ZC3H13: variants seen among roughly 807,000 people sequenced by gnomAD.
The protein encoded by ZC3H13 is zinc finger CCCH-type containing 13, also known as zinc finger CCCH domain-containing protein 13.
A neutral mutation model predicts 204.1 loss-of-function variants in ZC3H13; 64 were observed. That is an observed-to-expected ratio of 0.31 (90% CI 0.26 to 0.39). The LOEUF is 0.39. ZC3H13 is among the 10% of genes least tolerant of loss of function. ZC3H13 has a pLI of 1.00. For synonymous variants in ZC3H13, 667 were observed against 693.7 expected (o/e 0.96, Z 0.60); for missense variants, 1,833 against 2,082.7 (o/e 0.88, Z 2.33).
intron 15 of ZC3H13, among the ~76,000 whole-genome samples, chr13:45,966,874 A>C (rs1952133682): frequency 1.3e-5 from 2 of 152,186 alleles, no homozygotes. Flanking sequence ...AGTGGGTACA[A>C]AGAAGGGCAG....
intron 7 of ZC3H13, 159 bp downstream of exon 7, chr13:46,010,189 T>C (rs1221802107): frequency 1.5e-5 from 10 of 659,258 alleles, no homozygotes; most frequent in African/African-American, 7.3e-5. Flanking sequence ...TTCTCTATAA[T>C]TGTCTTTTTA....
rs1164658557 is a variant in ZC3H13, at chr13:46,010,382, A to G, written c.712T>C (p.Ser238Pro). ...SSASKKDRKTSAVSSPLLDQQ... is the reference protein window; with the variant it reads ...SSASKKDRKTPAVSSPLLDQQ... ...TCCAACAGGGGAGAAGATACTGCAGATGTCTTCCTATCTTTCTTGCTAGCT... is the reference window on the plus strand; with the variant it reads ...TCCAACAGGGGAGAAGATACTGCAGGTGTCTTCCTATCTTTCTTGCTAGCT... The change falls in exon 7 of 19, where the codon TCT becomes CCT. Residue 238 changes from serine to proline, a missense_variant. This residue lies in a region of ZC3H13 where 1,574 missense variants were observed against 1,757.2 expected (regional missense o/e 0.90). Transcript: ENST00000679008. The G allele has an allele frequency of 6.2e-7, 1 of 1,613,636 alleles. No homozygotes were observed. The highest frequency in any genetic ancestry group is 2.2e-5 in the East Asian group (1 of 44,878).
chr13:45,968,290 G>A (rs1952261537), intron 14 of ZC3H13, among the ~76,000 whole-genome samples: 1 of 151,224 alleles, frequency 6.6e-6, no homozygotes. Context: ...AAGTTTCCTT[G>A]TCTATTTCCA....
rs1414888440 is a variant in ZC3H13 at position 45,985,467 on chromosome 13, C to T, written c.1550G>A (p.Arg517Gln). 4.3e-6 allele frequency: 7 copies of T among 1,614,094 alleles called. No homozygotes were observed. The highest frequency in any genetic ancestry group is 1.3e-5 in the African/African-American group (1 of 74,928). ...YRDREGRDTHRKEDTYPEESR... is the reference protein window; with the variant it reads ...YRDREGRDTHQKEDTYPEESR... The stretch of plus-strand genomic sequence containing the variant: ...TTCTTCTGGATATGTATCCTCCTTT[C>T]GATGAGTATCTCGACCTTCACGGTC... Residue 517 changes from arginine to glutamine, a missense_variant, in exon 10 of 19, where the codon CGA (arginine) becomes CAA (glutamine). Arg to Gln is a conservative substitution (Grantham distance 43). This residue lies in a region of ZC3H13 where 1,574 missense variants were observed against 1,757.2 expected (regional missense o/e 0.90). Transcript: ENST00000679008.
intron 1 of ZC3H13, among the ~76,000 whole-genome samples, chr13:46,050,912 G>T (rs1593857439): frequency 1.3e-5 from 2 of 151,746 alleles, no homozygotes; most frequent in South Asian, 4.2e-4. Flanking sequence ...AAAAAAAAAA[G>T]AATAAAAGAC....
chr13:45,979,970 A>T lies in ZC3H13; in HGVS notation c.1755T>A (p.Ser585Arg), dbSNP rs761840867. Residue 585 changes from serine (S) to arginine (R), a missense_variant, in exon 11 of 19, where the codon AGT (serine) becomes AGA (arginine). Around this residue, in one of 5 missense-constraint regions of ZC3H13, gnomAD observed 1,574 missense variants for 1,757.2 expected, o/e 0.90. Coordinates refer to ENST00000679008, the MANE Select transcript of ZC3H13 (RefSeq NM_001330564.2). The stretch of plus-strand genomic sequence containing the variant: ...CATGATAGTTGCTATTACTACTGTG[A>T]CTATCAATTTGAGAACCTCTTGAGC... The part of the protein sequence containing the change: ...SRGSRGSQID[S>R]HSSNSNYHDS... The T allele has an allele frequency of 1.2e-6, 2 of 1,607,968 alleles. No individual in the cohort carries two copies. Among genetic ancestry groups the T allele is most frequent in the Non-Finnish European group, 1.7e-6 (2 of 1,177,784 alleles).
chr13:45,982,240 T>C (rs777896352), intron 10 of ZC3H13, among the ~76,000 whole-genome samples: 5 of 151,716 alleles, frequency 3.3e-5, no homozygotes, highest in Non-Finnish European at 7.4e-5. Context: ...CTGTGAAAAA[T>C]ATTTTAATAA....
At chr13:46,001,935 C>T (rs558979910) in intron 8 of ZC3H13, among the ~76,000 whole-genome samples, 1 of 139,262 alleles carries the variant, frequency 7.2e-6, no homozygotes, top group Non-Finnish European at 1.5e-5. Context: ...GTCAAGAAGA[C>T]ACAATTAACA....
chr13:46,050,422 G>A (rs1025511923), intron 1 of ZC3H13, among the ~76,000 whole-genome samples: 5 of 152,058 alleles, frequency 3.3e-5, no homozygotes, highest in African/African-American at 4.8e-5. Flanking sequence ...CTCATCTACT[G>A]GAAGCATAAG....
chr13:46,009,727 T>C, intron 7 of ZC3H13, among the ~76,000 whole-genome samples: 1 of 152,160 alleles, frequency 6.6e-6, no homozygotes, highest in Non-Finnish European at 1.5e-5. Flanking sequence ...TATAATCATT[T>C]CTATTTTTAC....
In ZC3H13 at chr13:45,959,589, C is replaced by A; in HGVS notation, c.4733G>T (p.Arg1578Leu). The change falls in exon 18 of 19, where the codon CGA (arginine) becomes CTA (leucine). Residue 1578 changes from arginine (R) to leucine (L), a missense_variant. Physicochemically the swap from Arg to Leu is moderately radical, Grantham distance 102. Transcript: ENST00000679008. ...AAGAAGACTTGCTCTTTCTTCTTTT[C>A]GTAGTAATGCAGCCATATTGAGAGC... Reference protein sequence around the residue: ...LGALNMAALLRKEERASLLSN... With the variant: ...LGALNMAALLLKEERASLLSN... 6.5e-7 allele frequency: 1 copy of A among 1,548,566 alleles called. No homozygotes were observed. Among genetic ancestry groups the A allele is most frequent in the Non-Finnish European group, 8.7e-7 (1 of 1,146,186 alleles).
At chr13:46,032,842 C>T (rs2042983079) in intron 4 of ZC3H13, among the ~76,000 whole-genome samples, 1 of 152,054 alleles carries the variant, frequency 6.6e-6, no homozygotes, top group African/African-American at 2.4e-5. Flanking sequence ...GCTTTGCATA[C>T]TGCTATAGAA....
At chr13:45,990,149 A>G (rs1348982697) in intron 8 of ZC3H13, among the ~76,000 whole-genome samples, 3 of 152,030 alleles carry the variant, frequency 2.0e-5, no homozygotes, top group Admixed American at 6.6e-5. Flanking sequence ...TGTCTTGTAC[A>G]TTATATATAG....
chr13:46,045,056 G>A lies in ZC3H13; in HGVS notation c.126C>T (p.Cys42=), dbSNP rs1408783601. ...AGTTGCCAGTCTTCAGCCAGTTACG[G>A]CACTGTGTCTAAGAGACAGATATTA... ...PSTGSTAETQ[C]RNWLKTGNCL... The change falls in exon 3 of 19, where the codon TGC becomes TGT. Residue 42 remains cysteine (C), a synonymous_variant. Transcript: ENST00000679008. 9 of 1,611,906 alleles carry A rather than the reference G, an allele frequency of 5.6e-6. No homozygotes were observed. The highest frequency in any genetic ancestry group is 7.6e-6 in the Non-Finnish European group (9 of 1,178,820).
At chr13:45,960,014 C>T (rs1026678766) in intron 17 of ZC3H13, among the ~76,000 whole-genome samples, 6 of 152,100 alleles carry the variant, frequency 3.9e-5, no homozygotes, top group Admixed American at 2.0e-4. Flanking sequence ...TGCAATGGCA[C>T]GACCTCGGCT....
intron 4 of ZC3H13, among the ~76,000 whole-genome samples, chr13:46,031,577 TA>T (rs1349477354): frequency 3.9e-5 from 6 of 152,062 alleles, no homozygotes; most frequent in Non-Finnish European, 7.4e-5. Flanking sequence ...AAGGAACTCT[TA>T]AAATTGAATA....
intron 4 of ZC3H13, among the ~76,000 whole-genome samples, chr13:46,021,497 A>ACTTTC (rs1402420867): frequency 1.4e-5 from 2 of 139,592 alleles, no homozygotes; most frequent in African/African-American, 5.5e-5. Flanking sequence ...CTTTCTGAGC[A>ACTTTC]TTACTAATCA....
At position 45,968,014 on chromosome 13, in the gene ZC3H13, T is replaced by C; in HGVS notation, c.3811A>G (p.Arg1271Gly). The change falls in exon 15 of 19, where the codon AGA becomes GGA. Residue 1271 changes from arginine (R) to glycine (G), a missense_variant. Physicochemically the swap from Arg to Gly is moderately radical, Grantham distance 125 (BLOSUM62 -2). Coordinates refer to ENST00000679008, the MANE Select transcript of ZC3H13 (RefSeq NM_001330564.2). ...GAACTTCTTCTTGAACTATGGCTTC[T>C]TGAATCCTGGCGATCTAAAATAAAT... Reference protein sequence around the residue: ...RSTSSDRQDSRSHSSRRSSPE... With the variant: ...RSTSSDRQDSGSHSSRRSSPE... The C allele has an allele frequency of 6.3e-7, 1 of 1,592,796 alleles. No individual in the cohort carries two copies. The highest frequency in any genetic ancestry group is 8.5e-7 in the Non-Finnish European group (1 of 1,172,896).
rs368755713 is a variant in ZC3H13, at chr13:45,967,931, C to G, written c.3894G>C (p.Arg1298Ser). The G allele has an allele frequency of 6.2e-7, 1 of 1,614,026 alleles. No individual in the cohort carries two copies. Among genetic ancestry groups the G allele is most frequent in the Non-Finnish European group, 8.5e-7 (1 of 1,179,978 alleles). The change falls in exon 15 of 19, where the codon AGG becomes AGC. Residue 1298 changes from arginine (R) to serine (S), a missense_variant. Transcript: ENST00000679008. Reference protein sequence around the residue: ...SRSGSFDSRDRLQERDRYEHD... With the variant: ...SRSGSFDSRDSLQERDRYEHD... Reference sequence around the variant, plus strand: ...GTTCATATCGATCTCGTTCTTGAAGCCTGTCTCTGCTATCAAATGACCCAG... The same window carrying G: ...GTTCATATCGATCTCGTTCTTGAAGGCTGTCTCTGCTATCAAATGACCCAG...
Sources: allele counts gnomAD v4.1 joint callset (sites outside exome capture counted in the v4.1 genomes callset), GRCh38; gene constraint gnomAD v4.1.1; regional missense constraint gnomAD v4.1.1; transcripts MANE v1.5; gene names NCBI Gene and HGNC (gene_info 2026-07-23, HGNC 2026-07-21).